GRIK1: variants seen among roughly 807,000 people sequenced by gnomAD.
GRIK1 encodes the protein glutamate ionotropic receptor kainate type subunit 1.
GRIK1 carries 69 observed loss-of-function variants against 105.7 expected under a neutral mutation model. The ratio of observed to expected loss-of-function variants is 0.65; its 90% CI spans 0.54 to 0.80. The LOEUF (loss-of-function observed/expected upper bound fraction) is 0.80, where lower values mean the gene tolerates loss of function less well. Among genes scored for constraint, GRIK1 ranks in the 30% least tolerant of loss-of-function variants. The probability of loss-of-function intolerance (pLI) is 0.00; values close to 1 mark genes in which losing one functional copy is unlikely to be tolerated. For synonymous variants in GRIK1, 438 were observed against 431.3 expected, an observed-to-expected ratio of 1.02 and a Z score of -0.19; for missense variants, 1,109 against 1,167.3, an observed-to-expected ratio of 0.95 and a Z score of 0.73.
chr21:29,840,086 T>C (rs934247077), intron 1 of GRIK1, among the ~76,000 whole-genome samples: 3 of 152,172 alleles, frequency 2.0e-5, no homozygotes, highest in African/African-American at 7.2e-5. Context: ...GGAGTGGGAA[T>C]TGAAAAATAG....
At chr21:29,774,240 C>G (rs2065886349) in intron 1 of GRIK1, among the ~76,000 whole-genome samples, 1 of 152,158 alleles carries the variant, frequency 6.6e-6, no homozygotes, top group Non-Finnish European at 1.5e-5. Flanking sequence ...AACCAGCAAC[C>G]TACTTTTCTT....
chr21:29,744,027 T>C (rs2145614104), intron 1 of GRIK1, among the ~76,000 whole-genome samples: 1 of 152,352 alleles, frequency 6.6e-6, no homozygotes, highest in African/African-American at 2.4e-5. Flanking sequence ...CAAACCCCCA[T>C]GACACAAGTT....
chr21:29,859,106 G>T (rs547604022), intron 1 of GRIK1, among the ~76,000 whole-genome samples: 4 of 150,690 alleles, frequency 2.7e-5, no homozygotes, highest in Admixed American at 2.0e-4. Context: ...GCAAACTATC[G>T]CAAGGACGAA....
At chr21:29,752,129 G>A (rs1270019605) in intron 1 of GRIK1, among the ~76,000 whole-genome samples, 1 of 152,142 alleles carries the variant, frequency 6.6e-6, no homozygotes, top group Non-Finnish European at 1.5e-5. Flanking sequence ...AGAAGATGCT[G>A]GTTTTTCTGA....
chr21:29,812,069 A>G (rs890153270), intron 1 of GRIK1, among the ~76,000 whole-genome samples: 2 of 152,116 alleles, frequency 1.3e-5, no homozygotes, highest in African/African-American at 4.8e-5. Flanking sequence ...AGTTACCTTC[A>G]TGTGAAATTG....
At chr21:29,864,344 G>T (rs1260976047) in intron 1 of GRIK1, among the ~76,000 whole-genome samples, 2 of 151,874 alleles carry the variant, frequency 1.3e-5, no homozygotes, top group African/African-American at 4.8e-5. Context: ...CTCTCTCTCT[G>T]TCTCATTCTC....
rs117062989 is a variant in GRIK1 at position 29,849,686 on chromosome 21, C to T, written c.118+89697G>A. On this transcript the variant is annotated intron_variant, in intron 1 of 17. Transcript: ENST00000327783. ...CCCTTCTCTCTGCTTAACTCCTTGA[C>T]TCCAATTTCTCAGCTTACCTCTAAT... 4.1e-3 allele frequency among the ~76,000 whole-genome samples: 623 copies of T among 152,332 alleles called. 11 individuals are homozygous for T. The East Asian group carries it at 0.069, about 17-fold the overall frequency.
chr21:29,677,188 A>C (rs1453305590), intron 3 of GRIK1, among the ~76,000 whole-genome samples: 1 of 152,234 alleles, frequency 6.6e-6, no homozygotes, highest in Admixed American at 6.5e-5. Context: ...AGGCCAAATG[A>C]TAATAAATGA....
chr21:29,674,710 C>G (rs2063232968), intron 3 of GRIK1, among the ~76,000 whole-genome samples: 1 of 152,126 alleles, frequency 6.6e-6, no homozygotes, highest in African/African-American at 2.4e-5. Context: ...TCCTGTTTAC[C>G]TTCTGCCATG....
At chr21:29,554,625 T>C (rs2090203166) in intron 16 of GRIK1, among the ~76,000 whole-genome samples, 1 of 152,240 alleles carries the variant, frequency 6.6e-6, no homozygotes, top group South Asian at 2.1e-4. Flanking sequence ...CATATTTATA[T>C]AAATTGTTTT....
intron 4 of GRIK1, among the ~76,000 whole-genome samples, chr21:29,668,139 C>T (rs1359329436): frequency 6.6e-6 from 1 of 152,180 alleles, no homozygotes; most frequent in African/African-American, 2.4e-5. Flanking sequence ...CTGTACTGAA[C>T]ACTCGTTGTG....
chr21:29,628,468 C>A (rs2062184344), intron 7 of GRIK1, among the ~76,000 whole-genome samples: 2 of 152,054 alleles, frequency 1.3e-5, no homozygotes. Context: ...ATTTGATTTC[C>A]AACTCTAAAT....
chr21:29,757,791 A>C (rs2065389210), intron 1 of GRIK1, among the ~76,000 whole-genome samples: 1 of 152,172 alleles, frequency 6.6e-6, no homozygotes, highest in Non-Finnish European at 1.5e-5. Flanking sequence ...AATTTTTAGC[A>C]ACATTCCTGG....
In GRIK1 at chr21:29,539,875, T is replaced by G. The variant is rs118011576; in HGVS notation, c.2608-1991A>C. On this transcript the variant is annotated intron_variant, in intron 16 of 17. Coordinates refer to ENST00000327783, the MANE Select transcript of GRIK1 (RefSeq NM_001330994.2). ...AGAGCTTGCATTTGAACTCAGTATA[T>G]CTGGACTGCCCAAACCAAGAGCTTT... Among the ~76,000 whole-genome samples, 1,006 of 152,324 alleles carry G rather than the reference T, an allele frequency of 6.6e-3. 8 individuals carry two copies. Among genetic ancestry groups the G allele is most frequent in the South Asian group, 0.024 (115 of 4,834 alleles).
At chr21:29,560,879 C>T (rs1002782980) in intron 15 of GRIK1, among the ~76,000 whole-genome samples, 6 of 152,084 alleles carry the variant, frequency 3.9e-5, no homozygotes, top group African/African-American at 1.4e-4. Context: ...GGATTACAGG[C>T]GTGAGCCATC....
intron 14 of GRIK1, among the ~76,000 whole-genome samples, chr21:29,573,756 G>A (rs1053936256): frequency 2.6e-5 from 4 of 151,906 alleles, no homozygotes; most frequent in African/African-American, 9.7e-5. Context: ...GGCTGAGGCA[G>A]GAGAATCGCT....
At chr21:29,730,369 C>G (rs573777207) in intron 1 of GRIK1, among the ~76,000 whole-genome samples, 2 of 151,998 alleles carry the variant, frequency 1.3e-5, no homozygotes, top group Non-Finnish European at 2.9e-5. Flanking sequence ...ATCTTAACAC[C>G]AATCAAAATA....
At chr21:29,898,402 G>T (rs966379616) in intron 1 of GRIK1, among the ~76,000 whole-genome samples, 2 of 152,134 alleles carry the variant, frequency 1.3e-5, no homozygotes, top group Admixed American at 1.3e-4. Flanking sequence ...CAGGGCAAAA[G>T]GTTCTATGGG....
chr21:29,805,090 A>G (rs1486413230), intron 1 of GRIK1, among the ~76,000 whole-genome samples: 3 of 152,030 alleles, frequency 2.0e-5, no homozygotes, highest in African/African-American at 7.3e-5. Flanking sequence ...GCAGCTTATG[A>G]ACTTCATGGG....
Sources: allele counts gnomAD v4.1 joint callset (sites outside exome capture counted in the v4.1 genomes callset), GRCh38; gene constraint gnomAD v4.1.1; transcripts MANE v1.5; gene names NCBI Gene and HGNC (gene_info 2026-07-23, HGNC 2026-07-21).